Variants in TMX3 observed in about 807,000 individuals in gnomAD.
TMX3 encodes the protein protein disulfide-isomerase TMX3.
Under a neutral mutation model 64.4 loss-of-function variants are expected in TMX3, and 40 were observed. The ratio of observed to expected loss-of-function variants is 0.62; its 90% CI spans 0.48 to 0.81. The LOEUF is 0.81. Among genes scored for constraint, TMX3 ranks in the 30% least tolerant of loss-of-function variants. TMX3 has a pLI of 0.00. For synonymous variants in TMX3, 189 were observed against 175.7 expected (o/e 1.08, Z -0.60); for missense variants, 497 against 534.5 (o/e 0.93, Z 0.69).
chr18:68,688,207 T>C (rs1281439367), intron 9 of TMX3, among the ~76,000 whole-genome samples: 2 of 152,158 alleles, frequency 1.3e-5, no homozygotes, highest in African/African-American at 4.8e-5. Context: ...AAGTCAGTTA[T>C]TCCTAAATGG....
chr18:68,710,482 A>G lies in TMX3; in HGVS notation c.142-338T>C, dbSNP rs1200422831. 2.0e-5 allele frequency among the ~76,000 whole-genome samples: 3 copies of G among 152,204 alleles called. No individual in the cohort carries two copies. In the East Asian group the frequency reaches 5.8e-4, roughly 29 times the overall value. ...TATAAAATGAATCCACAAAATAAAC[A>G]TATATATACAACATACACACCTAAT... is the stretch of plus-strand genomic sequence containing the variant. On this transcript the variant is annotated intron_variant, in intron 3 of 15. Coordinates refer to ENST00000299608, the MANE Select transcript of TMX3 (RefSeq NM_019022.5).
intron 5 of TMX3, among the ~76,000 whole-genome samples, chr18:68,701,381 G>C (rs1050003910): frequency 5.3e-5 from 8 of 151,978 alleles, no homozygotes; most frequent in African/African-American, 1.9e-4. Flanking sequence ...CACTTTATTA[G>C]ACTTGATCAA....
At chr18:68,694,482 G>A (rs1360640472) in intron 8 of TMX3, among the ~76,000 whole-genome samples, 2 of 152,176 alleles carry the variant, frequency 1.3e-5, no homozygotes, top group East Asian at 1.9e-4. Context: ...CAGATTCCAC[G>A]CTTGTTCACT....
chr18:68,686,356 C>T (rs1290123161), intron 10 of TMX3, among the ~76,000 whole-genome samples: 55 of 152,184 alleles, frequency 3.6e-4, no homozygotes, highest in Non-Finnish European at 1.3e-4. Context: ...CCTATGATTA[C>T]TATACAAAGC....
At position 68,681,047 on chromosome 18, in the gene TMX3, ATCT is replaced by A; in HGVS notation, c.966_968del (p.Asp323del). 1 of 1,603,878 alleles carries A rather than the reference ATCT, an allele frequency of 6.2e-7. No homozygotes were observed. The highest frequency in any genetic ancestry group is 8.5e-7 in the Non-Finnish European group (1 of 1,175,562). On this transcript the variant is annotated inframe_deletion, in exon 14 of 16. Transcript: ENST00000299608. ...TGTCTTCAACATTCTTAATCTGTCT[ATCT>A]AGCAAGAAATATTGCTGGTTTGAAG...
intron 1 of TMX3, 114 bp downstream of exon 1, chr18:68,714,821 TG>T: frequency 1.5e-6 from 2 of 1,369,330 alleles, no homozygotes; most frequent in Non-Finnish European, 2.0e-6. Flanking sequence ...CGGGAATGGG[TG>T]GGCATCTCCA....
chr18:68,697,879 G>A (rs1402587163), intron 7 of TMX3, 53 bp downstream of exon 7: 1 of 1,147,282 alleles, frequency 8.7e-7, no homozygotes, highest in African/African-American at 1.5e-5. Context: ...CTTGATTATA[G>A]AGTAAATTAA....
intron 4 of TMX3, among the ~76,000 whole-genome samples, chr18:68,703,084 G>A (rs1188529386): frequency 6.6e-6 from 1 of 152,150 alleles, no homozygotes; most frequent in Non-Finnish European, 1.5e-5. Context: ...ACTTCATTCT[G>A]TCAAGTATGT....
chr18:68,691,976 A>C (rs1485836315), intron 8 of TMX3, among the ~76,000 whole-genome samples: 5 of 152,228 alleles, frequency 3.3e-5, no homozygotes, highest in African/African-American at 4.8e-5. Context: ...GCATGTTAAT[A>C]CTGAAAATAA....
intron 10 of TMX3, chr18:68,686,716 A>AG (rs1295131636): frequency 1.0e-6 from 1 of 985,138 alleles, no homozygotes; most frequent in African/African-American, 1.7e-5. Flanking sequence ...AAAAAAAAAA[A>AG]AATCAGAAAG....
At chr18:68,693,559 G>GGT (rs144467150) in intron 8 of TMX3, among the ~76,000 whole-genome samples, 7 of 152,002 alleles carry the variant, frequency 4.6e-5, no homozygotes, top group South Asian at 4.2e-4. Flanking sequence ...AACTTAGCCG[G>GGT]GTGTGTGTGT....
At position 68,697,947 on chromosome 18, in the gene TMX3, T is replaced by C; in HGVS notation, c.477A>G (p.Gly159=). ...AAAGTCTTACTTTCAAAGGTGATTC[T>C]CCACCTACATAAACGAAAAATACAC... ...RHRVFFVYVG[G]ESPLKEKYID... is the part of the protein sequence containing the mutation. Residue 159 remains glycine, a synonymous_variant, in exon 7 of 16, where the codon GGA becomes GGG. Transcript: ENST00000299608. The C allele has an allele frequency of 6.2e-7, 1 of 1,608,424 alleles. No homozygotes were observed. The highest frequency in any genetic ancestry group is 8.5e-7 in the Non-Finnish European group (1 of 1,176,724).
chr18:68,687,554 T>TA, intron 10 of TMX3, 113 bp downstream of exon 10: 1 of 1,485,568 alleles, frequency 6.7e-7, no homozygotes, highest in Non-Finnish European at 8.9e-7. Flanking sequence ...AGATCTAAAA[T>TA]AAAAAATTAA....
chr18:68,698,123 TTAAG>T (rs1915296213), intron 6 of TMX3, 92 bp from the exon 7 acceptor site: 4 of 806,082 alleles, frequency 5.0e-6, no homozygotes, highest in Non-Finnish European at 7.9e-6. Context: ...TCTCAAGTTA[TTAAG>T]TTTCAATAAT....
chr18:68,677,803 G>C lies in TMX3; in HGVS notation c.1105-610C>G, dbSNP rs75129028. On this transcript the variant is annotated intron_variant, in intron 15 of 15. Coordinates refer to ENST00000299608, the MANE Select transcript of TMX3 (RefSeq NM_019022.5). ...ACTCTTGAGAACATAGAGAAGTTCA[G>C]AGAAGAAAAAGATCACTTTGGATTG... Among the ~76,000 whole-genome samples, 1,360 of 152,212 alleles carry C rather than the reference G, an allele frequency of 8.9e-3. 16 individuals carry two copies. Among genetic ancestry groups the C allele is most frequent in the Middle Eastern group, 0.017 (5 of 294 alleles).
intron 6 of TMX3, 68 bp downstream of exon 6, chr18:68,700,337 G>C: frequency 2.7e-6 from 3 of 1,092,140 alleles, no homozygotes; most frequent in Non-Finnish European, 3.9e-6. Flanking sequence ...GTTCAATACA[G>C]TCTATTAAAA....
Position 68,676,786 on chromosome 18 carries a change from A to T in TMX3, c.*147T>A. 1.0e-6 allele frequency: 1 copy of T among 968,974 alleles called. No homozygotes were observed. The highest frequency in any genetic ancestry group is 1.5e-6 in the Non-Finnish European group (1 of 673,598). The allele number at this position is 968,974 out of a possible 1,614,324, so 60.0% of individuals were successfully genotyped here. On this transcript the variant is annotated 3_prime_UTR_variant, in exon 16 of 16. Coordinates refer to ENST00000299608, the MANE Select transcript of TMX3 (RefSeq NM_019022.5). ...GCTCCAAACACTTCCCCATGTATGG[A>T]GGGACTACTTTAATCCATGCAGTTG...
At chr18:68,686,824 GAC>G in intron 10 of TMX3, 1 of 984,914 alleles carries the variant, frequency 1.0e-6, no homozygotes, top group Non-Finnish European at 1.2e-6. Context: ...AATATCACTA[GAC>G]ACAGAACATT....
intron 15 of TMX3, 24 bp from the exon 16 acceptor site, chr18:68,677,217 A>T: frequency 6.2e-7 from 1 of 1,601,652 alleles, no homozygotes; most frequent in East Asian, 2.2e-5. Flanking sequence ...ATTAAAACTC[A>T]GTTCCCTTCA....
Sources: gnomAD v4.1 joint callset for allele counts (sites outside exome capture counted in the v4.1 genomes callset) on GRCh38, gnomAD v4.1.1 for gene constraint, MANE v1.5 for transcripts, NCBI Gene and HGNC (gene_info 2026-07-23, HGNC 2026-07-21) for gene names.